TLK1: variants seen among roughly 807,000 people sequenced by gnomAD.
TLK1 encodes tousled like kinase 1.
A neutral mutation model predicts 105.3 loss-of-function variants in TLK1; 24 were observed. The ratio of observed to expected loss-of-function variants is 0.23; its 90% CI spans 0.17 to 0.32. The LOEUF is 0.32. TLK1 is among the 10% of genes least tolerant of loss of function. The probability of loss-of-function intolerance (pLI) is 1.00; values close to 1 mark genes in which losing one functional copy is unlikely to be tolerated. For synonymous variants in TLK1, 321 were observed against 310.4 expected (o/e 1.03, Z -0.36); for missense variants, 558 against 910.5 (o/e 0.61, Z 4.98).
chr2:171,096,992 C>T (rs530534603), intron 2 of TLK1, among the ~76,000 whole-genome samples: 8 of 152,250 alleles, frequency 5.3e-5, no homozygotes, highest in African/African-American at 1.9e-4. Context: ...CCTAAATTTA[C>T]GTGTAACCTC....
intron 11 of TLK1, among the ~76,000 whole-genome samples, chr2:171,040,568 GTTTTTTTT>G (rs59971440): frequency 2.6e-4 from 27 of 104,306 alleles, no homozygotes; most frequent in African/African-American, 8.0e-4. Flanking sequence ...TTCCTTTTTT[GTTTTTTTT>G]TTTTTTTTTT....
intron 12 of TLK1, among the ~76,000 whole-genome samples, chr2:171,025,081 T>C (rs981415946): frequency 2.0e-5 from 3 of 152,220 alleles, no homozygotes; most frequent in African/African-American, 7.2e-5. Flanking sequence ...ATTTTAGCCA[T>C]GTATTTACTT....
chr2:171,224,050 C>T (rs1693856159), intron 1 of TLK1, among the ~76,000 whole-genome samples: 1 of 152,008 alleles, frequency 6.6e-6, no homozygotes, highest in African/African-American at 2.4e-5. Context: ...GAGCATTTCC[C>T]CATTTTTTTC....
intron 1 of TLK1, among the ~76,000 whole-genome samples, chr2:171,135,293 ATG>A (rs1212717192): frequency 5.9e-5 from 7 of 118,952 alleles, no homozygotes; most frequent in Non-Finnish European, 1.0e-4. Context: ...ATTCCACATT[ATG>A]TGTGTGTTTG....
intron 1 of TLK1, among the ~76,000 whole-genome samples, chr2:171,143,100 G>GGAAT (rs372323866): frequency 2.0e-5 from 3 of 152,070 alleles, no homozygotes; most frequent in Non-Finnish European, 4.4e-5. Flanking sequence ...ACTGAATGAA[G>GGAAT]GAATGAATGA....
intron 1 of TLK1, among the ~76,000 whole-genome samples, chr2:171,151,838 A>G (rs1692054056): frequency 6.6e-6 from 1 of 152,236 alleles, no homozygotes; most frequent in Non-Finnish European, 1.5e-5. Flanking sequence ...ACAGAGTAGT[A>G]TACAAAGTTG....
At chr2:171,204,390 T>C (rs939055400) in intron 1 of TLK1, among the ~76,000 whole-genome samples, 7 of 152,148 alleles carry the variant, frequency 4.6e-5, no homozygotes, top group Non-Finnish European at 1.0e-4. Flanking sequence ...AAGTAGCTAA[T>C]GCCATGTCCT....
At position 171,053,851 on chromosome 2, in the gene TLK1, A is replaced by G; in HGVS notation, c.642T>C (p.Thr214=). Residue 214 remains threonine (T), a splice_region_variant and synonymous_variant, in exon 8 of 21, where the codon ACT becomes ACC. Coordinates refer to ENST00000431350, the MANE Select transcript of TLK1 (RefSeq NM_012290.5). ...PKQLSFKIIQ[T]DLTMLKLAAL... ...CTGCTAATTTCAGCATTGTGAGATC[A>G]GTCTAAATGAAAAAAAGTTATTTTA... 5.0e-6 allele frequency: 8 copies of G among 1,584,190 alleles called. No homozygotes were observed. Among genetic ancestry groups the G allele is most frequent in the Non-Finnish European group, 6.0e-6 (7 of 1,170,034 alleles).
chr2:171,157,480 GAC>G (rs1352012403), intron 1 of TLK1, among the ~76,000 whole-genome samples: 1 of 152,112 alleles, frequency 6.6e-6, no homozygotes, highest in Non-Finnish European at 1.5e-5. Context: ...CCACAAGACT[GAC>G]AAGCGAAAAG....
At chr2:171,134,051 GT>G (rs1238554869) in intron 1 of TLK1, among the ~76,000 whole-genome samples, 3 of 151,972 alleles carry the variant, frequency 2.0e-5, no homozygotes, top group Non-Finnish European at 2.9e-5. Flanking sequence ...ATCATTTCAA[GT>G]TTTTTTCTTC....
At chr2:171,227,322 T>C (rs2105333860) in intron 1 of TLK1, among the ~76,000 whole-genome samples, 1 of 152,272 alleles carries the variant, frequency 6.6e-6, no homozygotes, top group South Asian at 2.1e-4. Context: ...TTCCTCCAGT[T>C]TTTTGCTGAA....
At chr2:171,076,871 G>C (rs1295285232) in intron 3 of TLK1, among the ~76,000 whole-genome samples, 1 of 151,734 alleles carries the variant, frequency 6.6e-6, no homozygotes, top group African/African-American at 2.4e-5. Flanking sequence ...CCGAGATGGC[G>C]CCACTGCACT....
At chr2:171,088,909 A>G (rs947372592) in intron 2 of TLK1, among the ~76,000 whole-genome samples, 2 of 152,240 alleles carry the variant, frequency 1.3e-5, no homozygotes, top group African/African-American at 2.4e-5. Context: ...AAATAGCTCA[A>G]ACACAGGACA....
intron 2 of TLK1, among the ~76,000 whole-genome samples, chr2:171,090,966 G>A (rs1313790796): frequency 6.6e-6 from 1 of 152,132 alleles, no homozygotes; most frequent in Admixed American, 6.5e-5. Flanking sequence ...GCTACTATTA[G>A]GCCATACAGA....
intron 18 of TLK1, among the ~76,000 whole-genome samples, chr2:171,001,772 TTTCATTCATTCA>T (rs529619597): frequency 2.0e-5 from 3 of 152,154 alleles, no homozygotes; most frequent in Non-Finnish European, 2.9e-5. Flanking sequence ...ATTTTTTCTT[TTTCATTCATTCA>T]TTCATTCATG....
chr2:171,051,694 C>A (rs1687248009), intron 8 of TLK1, among the ~76,000 whole-genome samples: 1 of 152,126 alleles, frequency 6.6e-6, no homozygotes, highest in East Asian at 1.9e-4. Context: ...CTGTTACTAA[C>A]AGCCAAAAAC....
chr2:170,992,556 A>G lies in TLK1; in HGVS notation c.*1224T>C, dbSNP rs540943790. On this transcript the variant is annotated 3_prime_UTR_variant, in exon 21 of 21. Coordinates refer to ENST00000431350, the MANE Select transcript of TLK1 (RefSeq NM_012290.5). ...GATAAGAACTTTCTAGAAATGTAGA[A>G]TAACCATGAACAAATTAAAAATCTA... The G allele has an allele frequency of 4.6e-5, 7 of 152,732 alleles. No individual in the cohort carries two copies. In the South Asian group the frequency reaches 1.5e-3, roughly 32 times the overall value. 9.5% of individuals were successfully genotyped at this position (152,732 alleles called of 1,614,324 possible).
chr2:171,193,700 ATTTTTTTTTTTTTTTTT>A (rs35175399), intron 1 of TLK1, among the ~76,000 whole-genome samples: 13 of 64,634 alleles, frequency 2.0e-4, no homozygotes, highest in African/African-American at 4.0e-4. Flanking sequence ...AGCGCCTGGC[ATTTTTTTTTTTTTTTTT>A]TTTTTTTTTT....
chr2:170,997,688 GA>G, intron 19 of TLK1, 23 bp downstream of exon 19: 1 of 1,492,750 alleles, frequency 6.7e-7, no homozygotes, highest in Non-Finnish European at 9.2e-7. Flanking sequence ...CTGTAGAGCT[GA>G]AGGCTGGTAG....
Sources: gnomAD v4.1 joint callset for allele counts (sites outside exome capture counted in the v4.1 genomes callset) on GRCh38, gnomAD v4.1.1 for gene constraint, MANE v1.5 for transcripts, NCBI Gene and HGNC (gene_info 2026-07-23, HGNC 2026-07-21) for gene names.